The following EFR3A variants were observed in gnomAD, a reference collection of about 807,000 sequenced individuals.
The protein encoded by EFR3A is protein EFR3 homolog A.
EFR3A carries 76 observed loss-of-function variants against 104.4 expected under a neutral mutation model. The ratio of observed to expected loss-of-function variants is 0.73; its 90% CI spans 0.60 to 0.88. The LOEUF (loss-of-function observed/expected upper bound fraction) is 0.88. Ranked by LOEUF, EFR3A falls within the 40% of genes least tolerant of loss-of-function variation. The pLI is 0.00. For synonymous variants in EFR3A, 330 were observed against 330.0 expected (o/e 1.00, Z 0.00); for missense variants, 985 against 1,012.5 (o/e 0.97, Z 0.37).
intron 1 of EFR3A, among the ~76,000 whole-genome samples, chr8:131,922,683 C>T (rs527967329): frequency 1.1e-3 from 169 of 152,234 alleles, no homozygotes; most frequent in African/African-American, 3.8e-3. Flanking sequence ...TGTTTCCACA[C>T]ATTAATGTAC....
Position 131,914,880 on chromosome 8 carries a change from G to T in EFR3A, c.10+10558G>T, listed in dbSNP as rs777107011. On this transcript the variant is annotated intron_variant, in intron 1 of 22. Coordinates refer to ENST00000254624, the MANE Select transcript of EFR3A (RefSeq NM_015137.6). ...GGCGTCCATGAGTTCTCATCATTTGGCTCCCACTTATAAATAAGAACGTGG... is the reference window on the plus strand; with the variant it reads ...GGCGTCCATGAGTTCTCATCATTTGTCTCCCACTTATAAATAAGAACGTGG... 1.2e-4 allele frequency among the ~76,000 whole-genome samples: 19 copies of T among 152,096 alleles called. No homozygotes were observed. The Middle Eastern group carries it at 0.01, about 82-fold the overall frequency.
intron 10 of EFR3A, among the ~76,000 whole-genome samples, chr8:131,972,772 T>G (rs368871613): frequency 2.0e-5 from 3 of 152,172 alleles, no homozygotes; most frequent in African/African-American, 7.2e-5. Context: ...AAATTTCTTC[T>G]GAAACTGGGC....
intron 12 of EFR3A, among the ~76,000 whole-genome samples, chr8:131,977,321 A>T (rs1194253552): frequency 6.6e-6 from 1 of 152,148 alleles, no homozygotes; most frequent in African/African-American, 2.4e-5. Flanking sequence ...GAGGGCAGAA[A>T]CTATTGCTGT....
intron 8 of EFR3A, among the ~76,000 whole-genome samples, chr8:131,962,107 G>T (rs1474123576): frequency 6.6e-6 from 1 of 152,154 alleles, no homozygotes; most frequent in East Asian, 1.9e-4. Flanking sequence ...GCAAAAACAT[G>T]CCAAATTGTA....
chr8:131,997,240 C>A (rs1821542119), intron 19 of EFR3A, among the ~76,000 whole-genome samples: 1 of 152,042 alleles, frequency 6.6e-6, no homozygotes, highest in Admixed American at 6.6e-5. Flanking sequence ...TGTGGTTTAT[C>A]CATTGTTTGC....
intron 8 of EFR3A, among the ~76,000 whole-genome samples, chr8:131,962,191 T>C (rs1049750011): frequency 2.0e-5 from 3 of 152,128 alleles, no homozygotes; most frequent in Non-Finnish European, 4.4e-5. Context: ...AATGACAGGA[T>C]CAAATTCACA....
intron 5 of EFR3A, among the ~76,000 whole-genome samples, chr8:131,951,224 A>G (rs1167809009): frequency 6.6e-6 from 1 of 152,022 alleles, no homozygotes; most frequent in Non-Finnish European, 1.5e-5. Context: ...TTAAATAGTT[A>G]TTTTCAGGTA....
At chr8:131,923,043 T>C (rs1301923980) in intron 1 of EFR3A, among the ~76,000 whole-genome samples, 14 of 152,176 alleles carry the variant, frequency 9.2e-5, no homozygotes, top group Admixed American at 9.2e-4. Flanking sequence ...TGCATTGGAA[T>C]GAAAACATTT....
intron 10 of EFR3A, among the ~76,000 whole-genome samples, chr8:131,971,051 G>T (rs1009953357): frequency 2.6e-5 from 4 of 151,826 alleles, no homozygotes; most frequent in African/African-American, 9.7e-5. Flanking sequence ...ATACATCATG[G>T]TCTATTACCA....
chr8:131,919,985 T>C (rs1352238745), intron 1 of EFR3A, among the ~76,000 whole-genome samples: 2 of 152,098 alleles, frequency 1.3e-5, no homozygotes, highest in Non-Finnish European at 2.9e-5. Flanking sequence ...TAAAGACTTT[T>C]CTGCATGCTG....
chr8:132,006,171 T>C (rs941286491), intron 22 of EFR3A, among the ~76,000 whole-genome samples: 1 of 152,130 alleles, frequency 6.6e-6, no homozygotes, highest in African/African-American at 2.4e-5. Flanking sequence ...TAATGACTTT[T>C]GGTGAGACAT....
intron 18 of EFR3A, among the ~76,000 whole-genome samples, chr8:131,994,324 C>T (rs1347096862): frequency 6.6e-6 from 1 of 151,796 alleles, no homozygotes; most frequent in Non-Finnish European, 1.5e-5. Context: ...TGATTCTAGA[C>T]CTGAGCTTCC....
intron 1 of EFR3A, among the ~76,000 whole-genome samples, chr8:131,907,109 A>C (rs1250448143): frequency 6.6e-6 from 1 of 152,166 alleles, no homozygotes; most frequent in East Asian, 1.9e-4. Flanking sequence ...TCTAGCACTA[A>C]ATTGATAATA....
chr8:131,953,608 A>G (rs1469264304), intron 5 of EFR3A, among the ~76,000 whole-genome samples: 3 of 152,118 alleles, frequency 2.0e-5, no homozygotes, highest in African/African-American at 7.2e-5. Flanking sequence ...GATTTTAAGA[A>G]CATGATATTT....
At chr8:131,960,745 G>C (rs905564804) in intron 8 of EFR3A, among the ~76,000 whole-genome samples, 2 of 152,136 alleles carry the variant, frequency 1.3e-5, no homozygotes, top group African/African-American at 2.4e-5. Context: ...GGCATTTCTG[G>C]TAAAGGGAAA....
At chr8:132,006,241 A>C (rs557435361) in intron 22 of EFR3A, among the ~76,000 whole-genome samples, 1 of 152,274 alleles carries the variant, frequency 6.6e-6, no homozygotes, top group East Asian at 1.9e-4. Flanking sequence ...GAAACAGAAA[A>C]TAGGCAAACA....
rs766206628 is a variant in EFR3A at position 131,979,029 on chromosome 8, C to T, written c.1499+10C>T. 3.5e-5 allele frequency: 55 copies of T among 1,590,714 alleles called. No homozygotes were observed. The highest frequency in any genetic ancestry group is 4.4e-5 in the Non-Finnish European group (52 of 1,169,754). On this transcript the variant is annotated intron_variant, in intron 13 of 22. Coordinates refer to ENST00000254624, the MANE Select transcript of EFR3A (RefSeq NM_015137.6). ...AGCTTCGAGGGATCAGGTAATGTGC[C>T]ATTTTGAAATGGATCTAATGATAAT...
chr8:131,954,234 A>G (rs1818860576), intron 6 of EFR3A, among the ~76,000 whole-genome samples: 1 of 152,132 alleles, frequency 6.6e-6, no homozygotes, highest in Admixed American at 6.6e-5. Flanking sequence ...CAACTATTGA[A>G]TATCCAAATT....
chr8:131,989,087 G>A (rs917384612), intron 18 of EFR3A, among the ~76,000 whole-genome samples: 2 of 152,034 alleles, frequency 1.3e-5, no homozygotes, highest in Non-Finnish European at 2.9e-5. Context: ...GAATATTTTA[G>A]TGTCTACTTA....
Sources: allele counts gnomAD v4.1 joint callset (sites outside exome capture counted in the v4.1 genomes callset), GRCh38; gene constraint gnomAD v4.1.1; transcripts MANE v1.5; gene names NCBI Gene and HGNC (gene_info 2026-07-23, HGNC 2026-07-21).